WWOX: variants seen among roughly 807,000 people sequenced by gnomAD.
WWOX encodes the protein WW domain containing oxidoreductase.
In WWOX, 69 loss-of-function variants were observed where a neutral mutation model predicts 46.2. That is an observed-to-expected ratio of 1.49 (90% CI 1.23 to 1.82). The LOEUF is 1.82. WWOX is among the 40% of genes most tolerant of loss of function. WWOX has a pLI of 0.00. For missense variants in WWOX, 919 were observed against 542.6 expected (o/e 1.69, Z -6.89); for synonymous variants, 359 against 202.6 (o/e 1.77, Z -6.56).
intron 1 of WWOX, 146 bp downstream of exon 1, chr16:78,100,031 C>A (rs1447422025): frequency 6.9e-7 from 1 of 1,446,276 alleles, no homozygotes; most frequent in Non-Finnish European, 9.1e-7. Context: ...GGAAAAGGGT[C>A]CAGGGTTCCC....
chr16:78,612,598 G>T (rs1379660534), intron 8 of WWOX, among the ~76,000 whole-genome samples: 1 of 152,100 alleles, frequency 6.6e-6, no homozygotes, highest in Non-Finnish European at 1.5e-5. Flanking sequence ...ACATCAGCCT[G>T]CCAAGTAGGA....
intron 8 of WWOX, among the ~76,000 whole-genome samples, chr16:78,765,272 A>C (rs2049900593): frequency 6.6e-6 from 1 of 152,262 alleles, no homozygotes; most frequent in South Asian, 2.1e-4. Context: ...AGAAGAGCCC[A>C]GTAGAGGATG....
At chr16:79,158,296 C>T (rs2150745158) in intron 8 of WWOX, among the ~76,000 whole-genome samples, 1 of 152,256 alleles carries the variant, frequency 6.6e-6, no homozygotes, top group East Asian at 1.9e-4. Context: ...AAGAAAAAGA[C>T]AGAGAAACAA....
intron 8 of WWOX, among the ~76,000 whole-genome samples, chr16:78,870,023 G>C (rs1341230463): frequency 6.6e-6 from 1 of 152,172 alleles, no homozygotes. Flanking sequence ...CTGTCTTCCA[G>C]TCCTCCAGGG....
intron 8 of WWOX, among the ~76,000 whole-genome samples, chr16:78,543,551 A>G (rs1248647508): frequency 6.6e-6 from 1 of 152,216 alleles, no homozygotes; most frequent in Non-Finnish European, 1.5e-5. Flanking sequence ...ACTTTTCAAC[A>G]CTGGCCAAAT....
intron 8 of WWOX, among the ~76,000 whole-genome samples, chr16:78,656,149 C>T (rs1194697493): frequency 6.6e-6 from 1 of 152,116 alleles, no homozygotes; most frequent in African/African-American, 2.4e-5. Context: ...AAGTTATGCT[C>T]TGTTGTTTCT....
intron 8 of WWOX, among the ~76,000 whole-genome samples, chr16:78,766,321 G>A (rs1351755289): frequency 6.6e-6 from 1 of 152,184 alleles, no homozygotes; most frequent in East Asian, 1.9e-4. Context: ...AGGAGACCGG[G>A]CATGGTAGCA....
intron 8 of WWOX, among the ~76,000 whole-genome samples, chr16:78,695,322 C>T (rs571033539): frequency 3.3e-5 from 5 of 152,052 alleles, no homozygotes; most frequent in African/African-American, 4.8e-5. Flanking sequence ...TTCTCTCACT[C>T]CAATTTGAAT....
At chr16:79,104,623 G>T (rs765948767) in intron 8 of WWOX, among the ~76,000 whole-genome samples, 1 of 152,168 alleles carries the variant, frequency 6.6e-6, no homozygotes, top group African/African-American at 2.4e-5. Context: ...ATGCACATAT[G>T]TATGTCACCA....
chr16:79,178,331 G>T (rs1303961555), intron 8 of WWOX, among the ~76,000 whole-genome samples: 1 of 152,118 alleles, frequency 6.6e-6, no homozygotes, highest in East Asian at 1.9e-4. Context: ...TAATATTATT[G>T]ATTGAGATAG....
intron 5 of WWOX, among the ~76,000 whole-genome samples, chr16:78,367,346 C>G (rs2081560759): frequency 6.6e-6 from 1 of 152,096 alleles, no homozygotes; most frequent in South Asian, 2.1e-4. Context: ...ACATGTGGCC[C>G]AGGACAGCTT....
At chr16:78,772,846 T>A (rs1266174708) in intron 8 of WWOX, among the ~76,000 whole-genome samples, 1 of 152,046 alleles carries the variant, frequency 6.6e-6, no homozygotes, top group Non-Finnish European at 1.5e-5. Flanking sequence ...TAGCGTGAAC[T>A]TGTATCTACT....
chr16:79,009,285 A>C (rs1191566123), intron 8 of WWOX, among the ~76,000 whole-genome samples: 3 of 152,186 alleles, frequency 2.0e-5, no homozygotes, highest in African/African-American at 7.2e-5. Flanking sequence ...CTCTTTGCAG[A>C]TGAATGAAGG....
intron 8 of WWOX, among the ~76,000 whole-genome samples, chr16:78,508,282 A>AT (rs1320846164): frequency 2.2e-5 from 3 of 136,780 alleles, no homozygotes; most frequent in African/African-American, 8.7e-5. Context: ...AAGTGCTGGG[A>AT]TTATAGGCGT....
chr16:78,710,058 C>T (rs1209064322), intron 8 of WWOX, among the ~76,000 whole-genome samples: 1 of 151,990 alleles, frequency 6.6e-6, no homozygotes, highest in Non-Finnish European at 1.5e-5. Flanking sequence ...CCAGCCTGGG[C>T]CAGGAGCAGT....
intron 8 of WWOX, among the ~76,000 whole-genome samples, chr16:79,097,151 T>C (rs986644922): frequency 1.3e-5 from 2 of 152,068 alleles, no homozygotes; most frequent in East Asian, 3.9e-4. Context: ...ACATGTAGGG[T>C]GAAGGCTGCT....
intron 8 of WWOX, among the ~76,000 whole-genome samples, chr16:78,707,564 A>G (rs992811788): frequency 8.5e-5 from 13 of 152,194 alleles, no homozygotes; most frequent in East Asian, 1.9e-4. Flanking sequence ...AATAAAGGCT[A>G]CAGATGCTCA....
At chr16:78,336,669 T>C (rs2080896464) in intron 5 of WWOX, among the ~76,000 whole-genome samples, 2 of 152,074 alleles carry the variant, frequency 1.3e-5, no homozygotes, top group Admixed American at 6.6e-5. Flanking sequence ...CCTGTTGCCA[T>C]GGGGGAACAT....
At chr16:78,662,985 C>A (rs1057057913) in intron 8 of WWOX, among the ~76,000 whole-genome samples, 2 of 152,124 alleles carry the variant, frequency 1.3e-5, no homozygotes, top group African/African-American at 4.8e-5. Context: ...CACATCCTAT[C>A]GCTTTGGTTT....
Sources: allele counts gnomAD v4.1 joint callset (sites outside exome capture counted in the v4.1 genomes callset), GRCh38; gene constraint gnomAD v4.1.1; transcripts MANE v1.5; gene names NCBI Gene and HGNC (gene_info 2026-07-23, HGNC 2026-07-21).